IGSF11: variants seen among roughly 807,000 people sequenced by gnomAD.
The protein encoded by IGSF11 is CXADR like 1.
In IGSF11, 22 loss-of-function variants were observed where a neutral mutation model predicts 41.0. The ratio of observed to expected loss-of-function variants is 0.54; its 90% CI spans 0.38 to 0.77. IGSF11 has a LOEUF of 0.77. IGSF11 is among the 30% of genes least tolerant of loss of function. The pLI, the probability that IGSF11 is intolerant of heterozygous loss-of-function variation, is 0.00. For synonymous variants in IGSF11, 219 were observed against 201.3 expected, an observed-to-expected ratio of 1.09 and a Z score of -0.74; for missense variants, 444 against 530.8, an observed-to-expected ratio of 0.84 and a Z score of 1.61.
intron 1 of IGSF11, among the ~76,000 whole-genome samples, chr3:118,944,457 T>TACACACACACAC (rs3079206): frequency 1.0e-4 from 13 of 125,814 alleles, no homozygotes; most frequent in Admixed American, 2.4e-4. Context: ...TAGCTTGAAA[T>TACACACACACAC]ACACACACAC....
chr3:119,109,910 T>C (rs2077115426), upstream of IGSF11, among the ~76,000 whole-genome samples: 1 of 152,186 alleles, frequency 6.6e-6, no homozygotes, highest in Non-Finnish European at 1.5e-5. Context: ...TTGAGTGAGT[T>C]TCTTAATCCT....
intron 1 of IGSF11, among the ~76,000 whole-genome samples, chr3:118,991,964 G>A (rs1403543586): frequency 6.6e-6 from 1 of 152,252 alleles, no homozygotes; most frequent in African/African-American, 2.4e-5. Context: ...AGCATGGAAA[G>A]TGATGAATAA....
At position 119,034,779 on chromosome 3, in the gene IGSF11, G is replaced by A. The variant is rs1576706186; in HGVS notation, c.-197C>T. On this transcript the variant is annotated 5_prime_UTR_variant, in exon 1 of 7. Transcript: ENST00000393775. ...CAGCTGCAGCGCCGCCCGGCTCCGC[G>A]GACGCTGAGCTGTGACCAGAGGCGT... 2 of 1,307,794 alleles carry A rather than the reference G, an allele frequency of 1.5e-6. No homozygotes were observed. The highest frequency in any genetic ancestry group is 4.3e-5 in the South Asian group (2 of 46,538). The allele number at this position is 1,307,794 out of a possible 1,614,324, so 81.0% of individuals were successfully genotyped here.
chr3:119,021,016 G>A (rs1172993645), intron 1 of IGSF11, among the ~76,000 whole-genome samples: 1 of 152,110 alleles, frequency 6.6e-6, no homozygotes, highest in African/African-American at 2.4e-5. Context: ...GTTAGAAAAT[G>A]AAATAACATA....
intron 1 of IGSF11, among the ~76,000 whole-genome samples, chr3:118,984,542 A>G (rs935038968): frequency 3.3e-5 from 5 of 152,142 alleles, no homozygotes; most frequent in African/African-American, 1.2e-4. Flanking sequence ...AAAAAAATAG[A>G]AAGAAGGGAA....
chr3:119,131,902 C>G (rs576464938), intron 1 of IGSF11, among the ~76,000 whole-genome samples: 3 of 152,228 alleles, frequency 2.0e-5, no homozygotes, highest in African/African-American at 7.2e-5. Flanking sequence ...ATATTCAACA[C>G]TCTTGAAGAA....
intron 1 of IGSF11, among the ~76,000 whole-genome samples, chr3:118,936,810 A>G (rs974292173): frequency 4.6e-5 from 7 of 152,318 alleles, no homozygotes; most frequent in Admixed American, 1.3e-4. Context: ...CTCTTGGTAC[A>G]TGTTAGGGGA....
At position 118,902,271 on chromosome 3, in the gene IGSF11, G is replaced by C; in HGVS notation, c.*249C>G. 1 of 449,610 alleles carries C rather than the reference G, an allele frequency of 2.2e-6. No homozygotes were observed. 27.9% of individuals were successfully genotyped at this position (449,610 alleles called of 1,614,324 possible). A position where few individuals can be genotyped will look rare whatever the true frequency, so the allele number is the denominator to read the frequency against. On this transcript the variant is annotated 3_prime_UTR_variant, in exon 7 of 7. Transcript: ENST00000393775. ...TTCTGCTCTTGTATCTTTTTCCTTG[G>C]CTTGGCACATCTTTGAGATCCAGCA...
intron 4 of IGSF11, among the ~76,000 whole-genome samples, chr3:118,911,609 G>A (rs1940306975): frequency 6.6e-6 from 1 of 151,970 alleles, no homozygotes; most frequent in Non-Finnish European, 1.5e-5. Flanking sequence ...TCCAGCCTGG[G>A]TGGGTAACAG....
chr3:119,010,528 G>T (rs1007798017), intron 1 of IGSF11, among the ~76,000 whole-genome samples: 21 of 152,220 alleles, frequency 1.4e-4, no homozygotes, highest in Non-Finnish European at 2.9e-4. Context: ...GGCCATTTAG[G>T]GCCGAAATAA....
chr3:119,113,128 C>T (rs555835303), intron 1 of IGSF11, among the ~76,000 whole-genome samples: 1 of 152,336 alleles, frequency 6.6e-6, no homozygotes, highest in African/African-American at 2.4e-5. Flanking sequence ...TCCTCTAACA[C>T]TGGGGATTAT....
intron 5 of IGSF11, among the ~76,000 whole-genome samples, 168 bp downstream of exon 5, chr3:118,905,428 A>C (rs1384127509): frequency 6.6e-6 from 1 of 152,224 alleles, no homozygotes; most frequent in Non-Finnish European, 1.5e-5. Flanking sequence ...GCTGGAAAGT[A>C]TACTAAAACA....
intron 1 of IGSF11, among the ~76,000 whole-genome samples, chr3:118,935,226 G>C (rs1943151037): frequency 7.3e-6 from 1 of 137,024 alleles, no homozygotes; most frequent in African/African-American, 2.7e-5. Flanking sequence ...GAAATATCAG[G>C]GTGTATATAC....
intron 1 of IGSF11, among the ~76,000 whole-genome samples, chr3:119,134,120 C>A (rs531424219): frequency 6.6e-6 from 1 of 152,260 alleles, no homozygotes; most frequent in East Asian, 1.9e-4. Flanking sequence ...ACTGAATGGG[C>A]AAAAACTGGA....
chr3:119,138,605 A>C (rs144469518), intron 1 of IGSF11, among the ~76,000 whole-genome samples: 3 of 152,280 alleles, frequency 2.0e-5, no homozygotes, highest in Non-Finnish European at 2.9e-5. Context: ...GAATCGCTTG[A>C]ACCTAGGAGG....
rs1413247083 is a variant in IGSF11 at position 118,926,189 on chromosome 3, G to C, written c.492C>G (p.Leu164=). Residue 164 remains leucine, a synonymous_variant, in exon 4 of 7, where the codon CTC becomes CTG. Coordinates refer to ENST00000393775, the MANE Select transcript of IGSF11 (RefSeq NM_001015887.3). ...GAGGAATGCCTTCCTCTGAGCTACAGAGCAGGATGACATCGCTGCCAATAT... is the reference window on the plus strand; with the variant it reads ...GAGGAATGCCTTCCTCTGAGCTACACAGCAGGATGACATCGCTGCCAATAT... ...SQDIGSDVIL[L]CSSEEGIPRP... 2 of 1,612,036 alleles carry C rather than the reference G, an allele frequency of 1.2e-6. No individual in the cohort carries two copies. The highest frequency in any genetic ancestry group is 1.7e-6 in the Non-Finnish European group (2 of 1,178,682).
chr3:118,952,124 C>A (rs9817943), intron 1 of IGSF11, among the ~76,000 whole-genome samples: 17,695 of 152,112 alleles, frequency 0.12, 1,712 homozygotes, highest in African/African-American at 0.25. Context: ...TATATAAAAA[C>A]AGTACATATC....
At chr3:118,951,698 A>C (rs1175384062) in intron 1 of IGSF11, among the ~76,000 whole-genome samples, 1 of 152,162 alleles carries the variant, frequency 6.6e-6, no homozygotes, top group Non-Finnish European at 1.5e-5. Flanking sequence ...AGACACCAAA[A>C]TCCCCAAATG....
At position 118,972,241 on chromosome 3, in the gene IGSF11, C is replaced by G. The variant is rs554592870; in HGVS notation, c.53-41966G>C. ...GCTAATTATTCCTGTAGGATCCAGACAGATACAAGGATTTGAATGCCTGTT... is the reference window on the plus strand; with the variant it reads ...GCTAATTATTCCTGTAGGATCCAGAGAGATACAAGGATTTGAATGCCTGTT... On this transcript the variant is annotated intron_variant, in intron 1 of 6. Transcript: ENST00000393775. Among the ~76,000 whole-genome samples the G allele has an allele frequency of 2.0e-5, 3 of 152,278 alleles. No individual in the cohort carries two copies. In the East Asian group the frequency reaches 5.8e-4, roughly 29 times the overall value.
Sources: gnomAD v4.1 joint callset for allele counts (sites outside exome capture counted in the v4.1 genomes callset) on GRCh38, gnomAD v4.1.1 for gene constraint, MANE v1.5 for transcripts, NCBI Gene and HGNC (gene_info 2026-07-23, HGNC 2026-07-21) for gene names.